Variants in UHRF1 observed in about 807,000 individuals in gnomAD.
UHRF1 encodes ubiquitin like with PHD and ring finger domains 1, also known as E3 ubiquitin-protein ligase UHRF1.
In UHRF1, 9 loss-of-function variants were observed where a neutral mutation model predicts 96.5. That is an observed-to-expected ratio of 0.09 (90% confidence interval 0.06 to 0.16). The LOEUF is 0.16. Ranked by LOEUF, UHRF1 falls within the 10% of genes least tolerant of loss-of-function variation. UHRF1 has a pLI of 1.00. For missense variants in UHRF1, 626 were observed against 1,131.1 expected (o/e 0.55, Z 6.40); for synonymous variants, 455 against 469.9 (o/e 0.97, Z 0.41).
rs932484126 is a variant in UHRF1 at position 4,909,512 on chromosome 19, C to T, written c.-154C>T. On this transcript the variant is annotated 5_prime_UTR_variant, in exon 1 of 17. Transcript: ENST00000650932. Reference sequence around the variant, plus strand: ...GCGGGAAAAAAATCAGAGCAGCTGGCAGCGCGGCGGGCAGCGTTTGCCGAG... The same window carrying T: ...GCGGGAAAAAAATCAGAGCAGCTGGTAGCGCGGCGGGCAGCGTTTGCCGAG... The T allele has an allele frequency of 4.6e-6, 3 of 657,774 alleles. No homozygotes were observed. Among genetic ancestry groups the T allele is most frequent in the African/African-American group, 3.8e-5 (2 of 52,554 alleles). The allele number at this position is 657,774 out of a possible 1,614,324, so 40.7% of individuals were successfully genotyped here.
intron 15 of UHRF1, among the ~76,000 whole-genome samples, chr19:4,955,333 C>G (rs1042768997): frequency 2.0e-5 from 3 of 152,118 alleles, no homozygotes; most frequent in African/African-American, 4.8e-5. Flanking sequence ...CACTGTATCC[C>G]TCGGCTCGGG....
rs141789223 is a variant in UHRF1, at chr19:4,939,932, G to A, written c.786-1596G>A. Among the ~76,000 whole-genome samples, 697 of 151,804 alleles carry A rather than the reference G, an allele frequency of 4.6e-3. 7 individuals carry two copies. The highest frequency in any genetic ancestry group is 0.016 in the African/African-American group (660 of 41,388). ...CCAGCTACTCAGGAGGCTGAGGCAGGAGAGTGGCGTGAACCCGGGAGGTGG... is the reference window on the plus strand; with the variant it reads ...CCAGCTACTCAGGAGGCTGAGGCAGAAGAGTGGCGTGAACCCGGGAGGTGG... On this transcript the variant is annotated intron_variant, in intron 5 of 16. Transcript: ENST00000650932.
chr19:4,931,581 C>T (rs1218549501), intron 4 of UHRF1, among the ~76,000 whole-genome samples: 1 of 152,140 alleles, frequency 6.6e-6, no homozygotes, highest in African/African-American at 2.4e-5. Context: ...GATTCTCCTG[C>T]CTCAGCCTCC....
chr19:4,934,626 C>T (rs987986666), intron 5 of UHRF1, among the ~76,000 whole-genome samples: 3 of 152,300 alleles, frequency 2.0e-5, no homozygotes, highest in East Asian at 1.9e-4. Context: ...GTAGCCTGGT[C>T]GGAATTTCCC....
Position 4,954,700 on chromosome 19 carries a change from A to C in UHRF1, c.2008A>C (p.Lys670Gln). The C allele has an allele frequency of 1.2e-6, 2 of 1,613,600 alleles. No homozygotes were observed. The highest frequency in any genetic ancestry group is 1.7e-6 in the Non-Finnish European group (2 of 1,179,772). Residue 670 changes from lysine (K) to glutamine (Q), a missense_variant, in exon 15 of 17, where the codon AAG (lysine) becomes CAG (glutamine). Around this residue, in one of 11 missense-constraint regions of UHRF1, gnomAD observed 90 missense variants for 94.7 expected, o/e 0.95. Transcript: ENST00000650932. The surrounding 1 kb of genome is among the most constrained non-coding windows in gnomAD (Gnocchi z 5.9). ...GSPRRTSKKT[K>Q]VEPYSLTAQQ... The stretch of plus-strand genomic sequence containing the variant: ...CCCGCGCCGGACATCCAAGAAAACC[A>C]AGGTGGAGCCCTACAGTCTCACGGC...
At position 4,962,117 on chromosome 19, in the gene UHRF1, A is replaced by G. The variant is rs1438590956; in HGVS notation, c.*1314A>G. The G allele has an allele frequency of 6.6e-6, 1 of 150,966 alleles. No homozygotes were observed. Among genetic ancestry groups the G allele is most frequent in the Admixed American group, 6.7e-5 (1 of 14,952 alleles). 9.4% of individuals were successfully genotyped at this position (150,966 alleles called of 1,614,324 possible). On this transcript the variant is annotated 3_prime_UTR_variant, in exon 17 of 17. Transcript: ENST00000650932. ...TTCTAAAGTCCAGTACTTTGTCCAG[A>G]TTTTAGATTCTCAGAATAAATGTTT... is the stretch of plus-strand genomic sequence containing the variant.
intron 11 of UHRF1, among the ~76,000 whole-genome samples, chr19:4,948,627 C>A (rs2033635127): frequency 6.6e-6 from 1 of 151,684 alleles, no homozygotes; most frequent in Non-Finnish European, 1.5e-5. Context: ...CATGGTGAAA[C>A]CCTGTCTCTA....
chr19:4,912,264 G>A (rs972089693), intron 2 of UHRF1, among the ~76,000 whole-genome samples: 2 of 152,178 alleles, frequency 1.3e-5, no homozygotes, highest in Non-Finnish European at 1.5e-5. Context: ...TCCGCCTGGC[G>A]CTCTCTTCCT....
In UHRF1 at chr19:4,941,530, A is replaced by G. The variant is rs751708642; in HGVS notation, c.788A>G (p.Asp263Gly). 1.2e-6 allele frequency: 2 copies of G among 1,612,540 alleles called. No individual in the cohort carries two copies. Among genetic ancestry groups the G allele is most frequent in the South Asian group, 2.2e-5 (2 of 90,794 alleles). The change falls in exon 6 of 17, where the codon GAT becomes GGT. Residue 263 changes from aspartate (D) to glycine (G), a missense_variant and splice_region_variant. This residue lies in a region of UHRF1 where 198 missense variants were observed against 235.1 expected (regional missense o/e 0.84). Transcript: ENST00000650932. ...RELYANVVLG[D>G]DSLNDCRIIF... ...TCCAGCGTCCTCGTTCCTTGCAGGGATGATTCTCTGAACGACTGTCGGATC... is the reference window on the plus strand; with the variant it reads ...TCCAGCGTCCTCGTTCCTTGCAGGGGTGATTCTCTGAACGACTGTCGGATC...
Position 4,954,612 on chromosome 19 carries a change from C to CCACGCGCCCCTCCCT in UHRF1, c.1958-27_1958-13dup, listed in dbSNP as rs1555680872. On this transcript the variant is annotated intron_variant, in intron 14 of 16. Transcript: ENST00000650932. The surrounding 1 kb of genome is among the most constrained non-coding windows in gnomAD (Gnocchi z 5.9). Reference sequence around the variant, plus strand: ...GTGGCTGTCTCTCCGGCAGCTCGGGCCACGCGCCCCTCCCTCACGCGCCCC... The same window carrying CCACGCGCCCCTCCCT: ...GTGGCTGTCTCTCCGGCAGCTCGGGCCACGCGCCCCTCCCTCACGCGCCCCTCCCTCACGCGCCCC... 118 of 1,603,946 alleles carry CCACGCGCCCCTCCCT rather than the reference C, an allele frequency of 7.4e-5. No individual in the cohort carries two copies. The East Asian group carries it at 1.9e-3, about 26-fold the overall frequency.
At chr19:4,912,154 C>A (rs937512026) in intron 2 of UHRF1, among the ~76,000 whole-genome samples, 2 of 152,126 alleles carry the variant, frequency 1.3e-5, no homozygotes, top group Non-Finnish European at 2.9e-5. Flanking sequence ...TGAGTTAACC[C>A]GCCCTGCCCC....
rs1599289845 is a variant in UHRF1 at position 4,947,024 on chromosome 19, T to TG, written c.1411-77dup. On this transcript the variant is annotated intron_variant, in intron 10 of 16. Coordinates refer to ENST00000650932, the MANE Select transcript of UHRF1 (RefSeq NM_001048201.3). ...TCTGTTTCTTTGAAAGTAGCCATCCTGGGGAGTTTGCTTTCAATGCAGTCT... is the reference window on the plus strand; with the variant it reads ...TCTGTTTCTTTGAAAGTAGCCATCCTGGGGGAGTTTGCTTTCAATGCAGTCT... The TG allele has an allele frequency of 9.3e-6, 10 of 1,078,960 alleles. No individual in the cohort carries two copies. The East Asian group carries it at 2.1e-4, about 23-fold the overall frequency. 66.8% of individuals were successfully genotyped at this position (1,078,960 alleles called of 1,614,324 possible).
rs999831783 is a variant in UHRF1, at chr19:4,954,608, C to T, written c.1958-42C>T. On this transcript the variant is annotated intron_variant, in intron 14 of 16. Transcript: ENST00000650932. The surrounding 1 kb of genome is among the most constrained non-coding windows in gnomAD (Gnocchi z 5.9). Reference sequence around the variant, plus strand: ...GCCGGTGGCTGTCTCTCCGGCAGCTCGGGCCACGCGCCCCTCCCTCACGCG... The same window carrying T: ...GCCGGTGGCTGTCTCTCCGGCAGCTTGGGCCACGCGCCCCTCCCTCACGCG... 1.1e-5 allele frequency: 18 copies of T among 1,601,276 alleles called. No individual in the cohort carries two copies. The highest frequency in any genetic ancestry group is 1.1e-4 in the African/African-American group (8 of 74,580).
Position 4,954,781 on chromosome 19 carries a change from G to A in UHRF1, c.2089G>A (p.Val697Ile). The A allele has an allele frequency of 6.2e-7, 1 of 1,613,908 alleles. No homozygotes were observed. The highest frequency in any genetic ancestry group is 8.5e-7 in the Non-Finnish European group (1 of 1,179,860). The change falls in exon 15 of 17, where the codon GTC becomes ATC. Residue 697 changes from valine (V) to isoleucine (I), a missense_variant. Val to Ile is a conservative substitution (Grantham distance 29). Around this residue, in one of 11 missense-constraint regions of UHRF1, gnomAD observed 84 missense variants for 150.3 expected, o/e 0.56. Transcript: ENST00000650932. The surrounding 1 kb of genome is among the most constrained non-coding windows in gnomAD (Gnocchi z 5.9). ...GAGCAACGCCAAGCTGTGGAATGAG[G>A]TCCTGGCGTCACTCAAGGACCGGCC... The part of the protein sequence containing the change: ...DKSNAKLWNE[V>I]LASLKDRPAS...
At chr19:4,922,338 T>C (rs2146311398) in intron 2 of UHRF1, among the ~76,000 whole-genome samples, 1 of 152,086 alleles carries the variant, frequency 6.6e-6, no homozygotes, top group African/African-American at 2.4e-5. Context: ...TGATCTCGGC[T>C]CACTGCAAAC....
chr19:4,957,713 C>T (rs368339345), intron 16 of UHRF1, among the ~76,000 whole-genome samples: 18 of 152,306 alleles, frequency 1.2e-4, no homozygotes, highest in African/African-American at 4.3e-4. Flanking sequence ...TGGGGCCGTC[C>T]TGGGCACTGC....
At chr19:4,957,002 C>T (rs1206986736) in intron 16 of UHRF1, among the ~76,000 whole-genome samples, 189 bp downstream of exon 16, 1 of 152,194 alleles carries the variant, frequency 6.6e-6, no homozygotes, top group African/African-American at 2.4e-5. Context: ...ATAACATTCT[C>T]CCCCAAGTCC....
rs1472054682 is a variant in UHRF1 at position 4,943,507 on chromosome 19, C to A, written c.1074-625C>A. On this transcript the variant is annotated intron_variant, in intron 7 of 16. Transcript: ENST00000650932. The stretch of plus-strand genomic sequence containing the variant: ...TTGTTGTTGCCCTGCCCCCCCTCCC[C>A]ACATCGTAGAGATGGGGAAACTGAG... Among the ~76,000 whole-genome samples, 38 of 151,168 alleles carry A rather than the reference C, an allele frequency of 2.5e-4. No homozygotes were observed. In the East Asian group the frequency reaches 4.5e-3, roughly 18 times the overall value.
rs184048471 is a variant in UHRF1, at chr19:4,930,211, G to C, written c.409-505G>C. Among the ~76,000 whole-genome samples, 95 of 152,330 alleles carry C rather than the reference G, an allele frequency of 6.2e-4. No homozygotes were observed. The highest frequency in any genetic ancestry group is 2.2e-3 in the African/African-American group (91 of 41,568). ...GCTAGTCTTGAACTCCTGGCCTCAA[G>C]TGATCTTCCCGCCGCAGCCTCCCAA... On this transcript the variant is annotated intron_variant, in intron 3 of 16. Coordinates refer to ENST00000650932, the MANE Select transcript of UHRF1 (RefSeq NM_001048201.3). This position sits in a 1 kb window ranked among gnomAD's most constrained non-coding sequence, Gnocchi z 4.4.
Sources: gnomAD v4.1 joint callset for allele counts (sites outside exome capture counted in the v4.1 genomes callset) on GRCh38, gnomAD v4.1.1 for gene constraint, gnomAD v4.1.1 regional missense constraint, Gnocchi (gnomAD v3.1) non-coding constraint, MANE v1.5 for transcripts, NCBI Gene and HGNC (gene_info 2026-07-23, HGNC 2026-07-21) for gene names.